FOXP1: variants seen among roughly 807,000 people sequenced by gnomAD.
The protein encoded by FOXP1 is forkhead box protein P1.
In FOXP1, 15 loss-of-function variants were observed where a neutral mutation model predicts 98.2. The observed-to-expected ratio is 0.15, with a 90% CI of 0.10 to 0.24. FOXP1 has a LOEUF of 0.24. FOXP1 is among the 10% of genes least tolerant of loss of function. FOXP1 has a pLI of 1.00. For synonymous variants in FOXP1, 371 were observed against 314.5 expected (o/e 1.18, Z -1.90); for missense variants, 633 against 848.5 (o/e 0.75, Z 3.15).
In FOXP1 at chr3:71,374,549, C is replaced by A. The variant is rs185139681; in HGVS notation, c.-167-15305G>T. On this transcript the variant is annotated intron_variant, in intron 3 of 20. Coordinates refer to ENST00000649528, the MANE Select transcript of FOXP1 (RefSeq NM_001349338.3). ...AAGAGGTTGTAGTGAGCCAAGAGTGCGCCACTAAACTCCAGTCTAGGTAAC... is the reference window on the plus strand; with the variant it reads ...AAGAGGTTGTAGTGAGCCAAGAGTGAGCCACTAAACTCCAGTCTAGGTAAC... Among the ~76,000 whole-genome samples the A allele has an allele frequency of 6.6e-5, 10 of 151,518 alleles. No homozygotes were observed. In the South Asian group the frequency reaches 1.9e-3, roughly 29 times the overall value.
chr3:71,415,617 G>A (rs967046399), intron 3 of FOXP1, among the ~76,000 whole-genome samples: 1 of 151,846 alleles, frequency 6.6e-6, no homozygotes, highest in African/African-American at 2.4e-5. Flanking sequence ...AACATCAAGT[G>A]AACAAAGAAA....
rs1385376523 is a variant in FOXP1, at chr3:71,581,706, G to C, written c.-446-9C>G. ...TTACAAACTTTCGGGTTCTGCAGTCGACAAGAAACCGGGGCGACCCTCAGC... is the reference window on the plus strand; with the variant it reads ...TTACAAACTTTCGGGTTCTGCAGTCCACAAGAAACCGGGGCGACCCTCAGC... On this transcript the variant is annotated splice_polypyrimidine_tract_variant and intron_variant, in intron 1 of 20. Coordinates refer to ENST00000649528, the MANE Select transcript of FOXP1 (RefSeq NM_001349338.3). 1.0e-6 allele frequency: 1 copy of C among 985,684 alleles called. No homozygotes were observed. The highest frequency in any genetic ancestry group is 1.1e-4 in the East Asian group (1 of 8,808). 61.1% of individuals were successfully genotyped at this position (985,684 alleles called of 1,614,324 possible).
intron 2 of FOXP1, chr3:71,572,276 A>T (rs1329065718): frequency 6.6e-6 from 1 of 152,208 alleles, no homozygotes; most frequent in East Asian, 1.9e-4. Flanking sequence ...TAAATGGTTG[A>T]GGTTTTAAAG....
rs768407576 is a variant in FOXP1, at chr3:71,146,082, G to A, written c.181-33445C>T. On this transcript the variant is annotated intron_variant, in intron 6 of 20. Coordinates refer to ENST00000649528, the MANE Select transcript of FOXP1 (RefSeq NM_001349338.3). Reference sequence around the variant, plus strand: ...CCCGGAAGCTGTGGATGGGCCCAGCGTCTTGAGTGCACAGAGAGGGAACAA... The same window carrying A: ...CCCGGAAGCTGTGGATGGGCCCAGCATCTTGAGTGCACAGAGAGGGAACAA... Among the ~76,000 whole-genome samples, 9 of 152,206 alleles carry A rather than the reference G, an allele frequency of 5.9e-5. No homozygotes were observed. The South Asian group carries it at 1.0e-3, about 17-fold the overall frequency.
chr3:71,204,617 A>T (rs2063897694), intron 5 of FOXP1, among the ~76,000 whole-genome samples: 1 of 152,138 alleles, frequency 6.6e-6, no homozygotes, highest in East Asian at 1.9e-4. Flanking sequence ...AGCAGGTGGC[A>T]ATGAGGAGAT....
rs146208311 is a variant in FOXP1, at chr3:71,409,719, T to C, written c.-167-50475A>G. 1.7e-4 allele frequency among the ~76,000 whole-genome samples: 26 copies of C among 152,202 alleles called. No homozygotes were observed. The East Asian group carries it at 3.5e-3, about 20-fold the overall frequency. On this transcript the variant is annotated intron_variant, in intron 3 of 20. Coordinates refer to ENST00000649528, the MANE Select transcript of FOXP1 (RefSeq NM_001349338.3). ...TAACTCTGGGGTTAAACTGCCTGGGTTCAAGTCTCAGTTCCTCTCCTTAAA... is the reference window on the plus strand; with the variant it reads ...TAACTCTGGGGTTAAACTGCCTGGGCTCAAGTCTCAGTTCCTCTCCTTAAA...
intron 13 of FOXP1, among the ~76,000 whole-genome samples, chr3:70,999,127 T>C (rs2107597589): frequency 6.6e-6 from 1 of 152,312 alleles, no homozygotes; most frequent in South Asian, 2.1e-4. Context: ...TCTCACTCTG[T>C]CGCCCAGGCT....
At position 71,126,863 on chromosome 3, in the gene FOXP1, A is replaced by C. The variant is rs78526280; in HGVS notation, c.181-14226T>G. ...AACAAACAAACCAAAAAGAAAAAAA[A>C]AAACAAACAAAAAAAAAAAACAAAA... On this transcript the variant is annotated intron_variant, in intron 6 of 20. Coordinates refer to ENST00000649528, the MANE Select transcript of FOXP1 (RefSeq NM_001349338.3). Among the ~76,000 whole-genome samples the C allele has an allele frequency of 3.0e-3, 406 of 136,574 alleles. 2 individuals carry two copies. Among genetic ancestry groups the C allele is most frequent in the African/African-American group, 8.9e-3 (326 of 36,670 alleles). 89.6% of individuals were successfully genotyped at this position (136,574 alleles called of 152,430 possible).
intron 4 of FOXP1, among the ~76,000 whole-genome samples, chr3:71,316,219 A>C (rs2075065905): frequency 6.6e-6 from 1 of 152,080 alleles, no homozygotes; most frequent in Admixed American, 6.5e-5. Flanking sequence ...AAAATGCTGA[A>C]ATACTTGTGT....
At chr3:71,300,073 C>T (rs147953926) in intron 4 of FOXP1, among the ~76,000 whole-genome samples, 193 bp from the exon 5 acceptor site, 2 of 152,290 alleles carry the variant, frequency 1.3e-5, no homozygotes, top group East Asian at 1.9e-4. Context: ...TTCAAGACAA[C>T]AAAATTGACT....
chr3:71,516,992 C>A (rs59047383), intron 2 of FOXP1, among the ~76,000 whole-genome samples: 1 of 152,166 alleles, frequency 6.6e-6, no homozygotes, highest in African/African-American at 2.4e-5. Flanking sequence ...TTCTCTTTCA[C>A]CCCCTGTGAA....
At chr3:70,988,642 A>G (rs2040135436) in intron 13 of FOXP1, among the ~76,000 whole-genome samples, 1 of 152,222 alleles carries the variant, frequency 6.6e-6, no homozygotes, top group Non-Finnish European at 1.5e-5. Flanking sequence ...TCAAGATTTG[A>G]GTACCTGCTA....
At chr3:71,117,840 C>T (rs1575805264) in intron 6 of FOXP1, among the ~76,000 whole-genome samples, 1 of 152,132 alleles carries the variant, frequency 6.6e-6, no homozygotes, top group Admixed American at 6.5e-5. Context: ...TCATGCTAGG[C>T]TCGGGTTACA....
chr3:71,101,009 C>T (rs908107889), intron 7 of FOXP1, among the ~76,000 whole-genome samples: 2 of 151,966 alleles, frequency 1.3e-5, no homozygotes, highest in African/African-American at 2.4e-5. Context: ...GAGGGGGTGA[C>T]GGGTTGGAAA....
intron 5 of FOXP1, among the ~76,000 whole-genome samples, chr3:71,269,941 G>A (rs577559415): frequency 6.6e-6 from 1 of 152,192 alleles, no homozygotes; most frequent in Non-Finnish European, 1.5e-5. Flanking sequence ...TAGAGGCAGG[G>A]GGGAAAAGGC....
intron 5 of FOXP1, among the ~76,000 whole-genome samples, chr3:71,251,281 T>G (rs2068168400): frequency 6.6e-6 from 1 of 152,242 alleles, no homozygotes; most frequent in African/African-American, 2.4e-5. Flanking sequence ...TCATACCATT[T>G]GGAAACGAGA....
intron 6 of FOXP1, among the ~76,000 whole-genome samples, chr3:71,136,451 C>T (rs1290977904): frequency 3.3e-5 from 5 of 152,194 alleles, no homozygotes; most frequent in Non-Finnish European, 7.3e-5. Flanking sequence ...GTATGATAAA[C>T]TGGCAGTAAA....
At chr3:71,316,748 C>T (rs1181692350) in intron 4 of FOXP1, among the ~76,000 whole-genome samples, 2 of 151,744 alleles carry the variant, frequency 1.3e-5, no homozygotes, top group African/African-American at 2.4e-5. Flanking sequence ...ACCTTCGCCT[C>T]CCAGGTTCAA....
chr3:71,510,256 A>G (rs548750122), intron 2 of FOXP1, among the ~76,000 whole-genome samples: 1 of 152,102 alleles, frequency 6.6e-6, no homozygotes, highest in African/African-American at 2.4e-5. Flanking sequence ...TGGGAGTCCA[A>G]GGCGGGTGTA....
Sources: allele counts gnomAD v4.1 joint callset (sites outside exome capture counted in the v4.1 genomes callset), GRCh38; gene constraint gnomAD v4.1.1; transcripts MANE v1.5; gene names NCBI Gene and HGNC (gene_info 2026-07-23, HGNC 2026-07-21).